Variants in PSD3 observed in about 807,000 individuals in gnomAD.
PSD3 encodes pleckstrin and Sec7 domain containing 3.
PSD3 carries 49 observed loss-of-function variants against 105.5 expected under a neutral mutation model. That is an observed-to-expected ratio of 0.46 (90% CI 0.37 to 0.59). The LOEUF (loss-of-function observed/expected upper bound fraction) is 0.59. PSD3 is among the 20% of genes least tolerant of loss of function. The probability of loss-of-function intolerance (pLI) is 0.00; values close to 1 mark genes in which losing one functional copy is unlikely to be tolerated. For synonymous variants in PSD3, 557 were observed against 457.8 expected (o/e 1.22, Z -2.77); for missense variants, 1,561 against 1,263.8 (o/e 1.24, Z -3.57).
intron 8 of PSD3, among the ~76,000 whole-genome samples, chr8:18,772,035 C>T (rs1218558415): frequency 6.6e-6 from 1 of 152,142 alleles, no homozygotes; most frequent in Non-Finnish European, 1.5e-5. Flanking sequence ...CAAGGTTCAT[C>T]CATGTTGTAG....
chr8:18,586,535 T>A (rs1206627058), intron 12 of PSD3, among the ~76,000 whole-genome samples: 1 of 152,152 alleles, frequency 6.6e-6, no homozygotes, highest in Non-Finnish European at 1.5e-5. Context: ...CAGATTGTTA[T>A]TCCAGTGGGT....
intron 2 of PSD3, among the ~76,000 whole-genome samples, chr8:18,877,949 T>C (rs1427762116): frequency 6.6e-6 from 1 of 152,162 alleles, no homozygotes; most frequent in Non-Finnish European, 1.5e-5. Flanking sequence ...CTTTTTCAGG[T>C]TGTTTTGGTC....
At chr8:18,550,887 C>T (rs1303695553) in intron 15 of PSD3, among the ~76,000 whole-genome samples, 1 of 152,188 alleles carries the variant, frequency 6.6e-6, no homozygotes, top group African/African-American at 2.4e-5. Flanking sequence ...GTCATGTCTT[C>T]TGTAAAGGAG....
At chr8:18,560,915 T>C (rs1045897298) in intron 14 of PSD3, among the ~76,000 whole-genome samples, 1 of 152,228 alleles carries the variant, frequency 6.6e-6, no homozygotes, top group African/African-American at 2.4e-5. Context: ...AAGTGTCTTA[T>C]AGAAGTGCTG....
intron 14 of PSD3, among the ~76,000 whole-genome samples, chr8:18,557,916 G>A (rs572808623): frequency 4.6e-5 from 7 of 152,142 alleles, no homozygotes; most frequent in Non-Finnish European, 1.0e-4. Flanking sequence ...AGCTATACTC[G>A]AAAATGGGGT....
At chr8:18,990,650 A>G (rs1173112560) in intron 1 of PSD3, among the ~76,000 whole-genome samples, 1 of 152,244 alleles carries the variant, frequency 6.6e-6, no homozygotes, top group Non-Finnish European at 1.5e-5. Context: ...TACAATTACC[A>G]GGATATTTCT....
chr8:18,568,432 G>C (rs975048403), intron 14 of PSD3, among the ~76,000 whole-genome samples: 1 of 152,164 alleles, frequency 6.6e-6, no homozygotes, highest in African/African-American at 2.4e-5. Flanking sequence ...ATCCAAGAAA[G>C]GAGTCTAAGA....
At chr8:18,659,607 A>G (rs918414726) in intron 9 of PSD3, among the ~76,000 whole-genome samples, 4 of 152,256 alleles carry the variant, frequency 2.6e-5, no homozygotes, top group African/African-American at 9.6e-5. Context: ...GTCAGAGCCC[A>G]TTTGAAAAGA....
At chr8:18,653,694 AC>A (rs1270402246) in intron 10 of PSD3, among the ~76,000 whole-genome samples, 9 of 152,154 alleles carry the variant, frequency 5.9e-5, no homozygotes, top group African/African-American at 2.2e-4. Flanking sequence ...CTTGGGTAAC[AC>A]GCAAGATATA....
At chr8:19,030,125 C>A (rs1434570496) in intron 1 of PSD3, among the ~76,000 whole-genome samples, 1 of 152,040 alleles carries the variant, frequency 6.6e-6, no homozygotes, top group Non-Finnish European at 1.5e-5. Context: ...TGCCTTTTGT[C>A]GAGTTGAAGA....
intron 1 of PSD3, among the ~76,000 whole-genome samples, chr8:19,041,683 C>T (rs544754375): frequency 6.6e-6 from 1 of 152,286 alleles, no homozygotes; most frequent in East Asian, 1.9e-4. Flanking sequence ...CATTGGACTA[C>T]GCCCAGGCAG....
intron 9 of PSD3, among the ~76,000 whole-genome samples, chr8:18,666,060 CTT>C (rs971159201): frequency 5.9e-5 from 9 of 151,326 alleles, no homozygotes; most frequent in African/African-American, 2.2e-4. Flanking sequence ...GTAAACATAC[CTT>C]TTTTTTTGAG....
At position 18,576,757 on chromosome 8, in the gene PSD3, A is replaced by C. The variant is rs374728641; in HGVS notation, c.2482-1472T>G. Among the ~76,000 whole-genome samples, 7 of 152,232 alleles carry C rather than the reference A, an allele frequency of 4.6e-5. No individual in the cohort carries two copies. In the East Asian group the frequency reaches 1.2e-3, roughly 25 times the overall value. ...AAACATGAGGTAGGTAAATAACTGGAATGAGGAGAAATGATGAGGGCCAAA... is the reference window on the plus strand; with the variant it reads ...AAACATGAGGTAGGTAAATAACTGGCATGAGGAGAAATGATGAGGGCCAAA... On this transcript the variant is annotated intron_variant, in intron 12 of 15. Transcript: ENST00000327040.
intron 1 of PSD3, among the ~76,000 whole-genome samples, chr8:18,978,635 G>A (rs1248564991): frequency 6.6e-6 from 1 of 152,076 alleles, no homozygotes; most frequent in Non-Finnish European, 1.5e-5. Flanking sequence ...CAGGAATGAG[G>A]AGGAGCCAGT....
chr8:18,636,506 G>C (rs531570480), intron 10 of PSD3, among the ~76,000 whole-genome samples: 12 of 152,244 alleles, frequency 7.9e-5, no homozygotes, highest in Non-Finnish European at 1.6e-4. Flanking sequence ...TGTAGCCTAA[G>C]TGTACAGTGT....
intron 9 of PSD3, among the ~76,000 whole-genome samples, chr8:18,728,350 C>T (rs950267698): frequency 6.6e-6 from 1 of 152,160 alleles, no homozygotes; most frequent in African/African-American, 2.4e-5. Context: ...AAACATTCAA[C>T]AAAGTCAATT....
intron 6 of PSD3, among the ~76,000 whole-genome samples, chr8:18,802,006 A>T (rs1349735550): frequency 1.3e-5 from 2 of 152,060 alleles, no homozygotes; most frequent in Admixed American, 6.6e-5. Context: ...ACATCATCAT[A>T]AAGGCTATGT....
intron 4 of PSD3, among the ~76,000 whole-genome samples, chr8:18,863,123 C>G (rs759900102): frequency 5.3e-5 from 8 of 152,170 alleles, no homozygotes; most frequent in Middle Eastern, 3.4e-3. Flanking sequence ...TCCAAAGAAC[C>G]AAAAAAGAAG....
At chr8:18,937,358 C>T (rs1023852302) in intron 1 of PSD3, among the ~76,000 whole-genome samples, 2 of 152,208 alleles carry the variant, frequency 1.3e-5, no homozygotes, top group Non-Finnish European at 2.9e-5. Context: ...TGAACAGTGA[C>T]TGACCATTCA....
Sources: allele counts gnomAD v4.1 joint callset (sites outside exome capture counted in the v4.1 genomes callset), GRCh38; gene constraint gnomAD v4.1.1; transcripts MANE v1.5; gene names NCBI Gene and HGNC (gene_info 2026-07-23, HGNC 2026-07-21).